The following RBFOX1 variants were observed in gnomAD, a reference collection of about 807,000 sequenced individuals.
The protein encoded by RBFOX1 is RNA binding protein fox-1 homolog 1.
RBFOX1 carries 8 observed loss-of-function variants against 57.7 expected under a neutral mutation model. That is an observed-to-expected ratio of 0.14 (90% confidence interval 0.08 to 0.25). The LOEUF is 0.25. Among genes scored for constraint, RBFOX1 ranks in the 10% least tolerant of loss-of-function variants. RBFOX1 has a pLI of 1.00. For missense variants in RBFOX1, 611 were observed against 548.5 expected (o/e 1.11, Z -1.14); for synonymous variants, 326 against 222.4 (o/e 1.47, Z -4.15).
At chr16:7,500,904 T>C (rs1226661435) in intron 4 of RBFOX1, among the ~76,000 whole-genome samples, 2 of 152,184 alleles carry the variant, frequency 1.3e-5, no homozygotes, top group African/African-American at 4.8e-5. Flanking sequence ...CATGCTGTTC[T>C]TGTAATAGTG....
chr16:6,311,864 C>T (rs79594793), intron 1 of RBFOX1, among the ~76,000 whole-genome samples: 2,529 of 152,250 alleles, frequency 0.017, 68 homozygotes, highest in African/African-American at 0.057. Flanking sequence ...GGGCACTAAC[C>T]TCTCTACCAC....
At position 6,641,734 on chromosome 16, in the gene RBFOX1, C is replaced by CAAAAAAAAAA. The variant is rs869202831; in HGVS notation, c.-63-12834_-63-12825dup. ...TGGGTGACAGAGCAGGACTCCGTCT[C>CAAAAAAAAAA]AAAAAAAAAAAAAAAAAAAAAAAAA... On this transcript the variant is annotated intron_variant, in intron 2 of 15. Coordinates refer to ENST00000550418, the MANE Select transcript of RBFOX1 (RefSeq NM_018723.4). 3.6e-4 allele frequency among the ~76,000 whole-genome samples: 25 copies of CAAAAAAAAAA among 68,928 alleles called. 1 individual carries two copies. The highest frequency in any genetic ancestry group is 5.7e-4 in the African/African-American group (9 of 15,744). The allele number at this position is 68,928 out of a possible 152,430, so 45.2% of individuals were successfully genotyped here. A position where few individuals can be genotyped will look rare whatever the true frequency, so the allele number is the denominator to read the frequency against.
intron 3 of RBFOX1, among the ~76,000 whole-genome samples, chr16:6,941,341 T>TCCTTCCTTCCTC (rs1160561578): frequency 2.1e-5 from 3 of 142,836 alleles, no homozygotes; most frequent in African/African-American, 7.9e-5. Context: ...CTTCCTTCCT[T>TCCTTCCTTCCTC]CCTTCCTTCC....
chr16:5,660,637 G>A (rs1449217416), intron 3 of RBFOX1, among the ~76,000 whole-genome samples: 1 of 152,056 alleles, frequency 6.6e-6, no homozygotes, highest in African/African-American at 2.4e-5. Context: ...TTCTTTCTCT[G>A]CACAGTTCAT....
intron 2 of RBFOX1, among the ~76,000 whole-genome samples, chr16:6,613,753 A>G (rs1186525233): frequency 6.6e-6 from 1 of 152,224 alleles, no homozygotes; most frequent in Non-Finnish European, 1.5e-5. Context: ...CCTGGCCAAC[A>G]TGGCGAAACC....
At chr16:7,104,806 A>T (rs1051682813) in intron 4 of RBFOX1, among the ~76,000 whole-genome samples, 8 of 152,176 alleles carry the variant, frequency 5.3e-5, no homozygotes, top group Non-Finnish European at 5.9e-5. Context: ...AAAAATAACC[A>T]ACACAAAGAG....
chr16:7,065,114 G>C (rs117557739), intron 4 of RBFOX1, among the ~76,000 whole-genome samples: 1,676 of 152,310 alleles, frequency 0.011, 16 homozygotes, highest in Non-Finnish European at 0.017. Context: ...AGCCTCCTGT[G>C]AGACCAATTC....
At chr16:5,590,649 C>T (rs7200444) in intron 2 of RBFOX1, among the ~76,000 whole-genome samples, 30,014 of 152,086 alleles carry the variant, frequency 0.2, 3,321 homozygotes, top group East Asian at 0.32. Context: ...CACTGAGGAA[C>T]CATATGGGTG....
rs139418020 is a variant in RBFOX1 at position 6,845,342 on chromosome 16, G to A, written c.-16+190692G>A. 2.3e-4 allele frequency among the ~76,000 whole-genome samples: 35 copies of A among 151,272 alleles called. No individual in the cohort carries two copies. The East Asian group carries it at 6.8e-3, about 29-fold the overall frequency. ...TACATTTAACTCTTTAATCTTTCTT[G>A]AGTTAATTTTTGTGTATTGTGTAAG... On this transcript the variant is annotated intron_variant, in intron 3 of 15. Transcript: ENST00000550418.
At chr16:6,909,521 G>A (rs920509118) in intron 3 of RBFOX1, among the ~76,000 whole-genome samples, 6 of 152,314 alleles carry the variant, frequency 3.9e-5, no homozygotes, top group African/African-American at 1.2e-4. Flanking sequence ...CTCTAAAGGC[G>A]TTCCACCTGT....
At chr16:7,114,938 G>T (rs186103787) in intron 4 of RBFOX1, among the ~76,000 whole-genome samples, 3 of 152,302 alleles carry the variant, frequency 2.0e-5, no homozygotes, top group African/African-American at 4.8e-5. Flanking sequence ...AGATCACTTA[G>T]CTGTGAAGCC....
At chr16:7,368,793 A>T (rs527858407) in intron 4 of RBFOX1, among the ~76,000 whole-genome samples, 612 of 151,774 alleles carry the variant, frequency 4.0e-3, no homozygotes, top group Middle Eastern at 0.024. Context: ...AAAAAAAAAA[A>T]AAATAAAAAT....
At position 5,829,866 on chromosome 16, in the gene RBFOX1, A is replaced by G. The variant is rs546400011; in HGVS notation, c.319-37437A>G. ...TCAGTCATTCAGAAGGGAAACAAAA[A>G]CAGGGGGGAAGAAAAGGCCTTTGGT... On this transcript the variant is annotated intron_variant, in intron 3 of 19. Coordinates refer to the RBFOX1 transcript ENST00000641259. 3.8e-3 allele frequency among the ~76,000 whole-genome samples: 583 copies of G among 152,330 alleles called. 3 individuals are homozygous for G. The highest frequency in any genetic ancestry group is 0.02 in the Middle Eastern group (6 of 294).
intron 1 of RBFOX1, among the ~76,000 whole-genome samples, chr16:6,072,237 A>G (rs1177115316): frequency 2.0e-5 from 3 of 152,114 alleles, no homozygotes; most frequent in Non-Finnish European, 4.4e-5. Context: ...CCACCCCCCC[A>G]TGATCCAATT....
chr16:6,554,487 C>G (rs2097056646), intron 2 of RBFOX1, among the ~76,000 whole-genome samples: 1 of 152,104 alleles, frequency 6.6e-6, no homozygotes, highest in South Asian at 2.1e-4. Context: ...TGTGAATATA[C>G]TGAAAGCTAC....
intron 2 of RBFOX1, among the ~76,000 whole-genome samples, chr16:6,551,100 G>C (rs1470645383): frequency 1.3e-5 from 2 of 152,170 alleles, no homozygotes; most frequent in Non-Finnish European, 2.9e-5. Context: ...TAATGGCTCT[G>C]CGTTTTGGGT....
intron 14 of RBFOX1, among the ~76,000 whole-genome samples, chr16:7,683,994 A>G (rs919707335): frequency 6.6e-6 from 1 of 152,144 alleles, no homozygotes; most frequent in Non-Finnish European, 1.5e-5. Flanking sequence ...ACTAGGTAGT[A>G]TACTATGGAT....
intron 3 of RBFOX1, among the ~76,000 whole-genome samples, chr16:6,951,553 G>T (rs1031960907): frequency 1.3e-5 from 2 of 152,024 alleles, no homozygotes; most frequent in African/African-American, 4.8e-5. Flanking sequence ...GAATATTGGG[G>T]ACTACTAAGA....
At chr16:6,954,046 G>A (rs1265423037) in intron 3 of RBFOX1, among the ~76,000 whole-genome samples, 2 of 152,134 alleles carry the variant, frequency 1.3e-5, no homozygotes, top group African/African-American at 4.8e-5. Context: ...CCCTAATATG[G>A]CAAGAGAGAG....
Sources: allele counts gnomAD v4.1 joint callset (sites outside exome capture counted in the v4.1 genomes callset), GRCh38; gene constraint gnomAD v4.1.1; transcripts MANE v1.5; gene names NCBI Gene and HGNC (gene_info 2026-07-23, HGNC 2026-07-21).